Variants in NRXN1 observed in about 807,000 individuals in gnomAD.
The protein encoded by NRXN1 is neurexin 1.
In NRXN1, 39 loss-of-function variants were observed where a neutral mutation model predicts 150.9. That is an observed-to-expected ratio of 0.26 (90% confidence interval 0.20 to 0.34). The LOEUF (loss-of-function observed/expected upper bound fraction) is 0.34. NRXN1 is among the 10% of genes least tolerant of loss of function. The probability of loss-of-function intolerance (pLI) is 1.00; values close to 1 mark genes in which losing one functional copy is unlikely to be tolerated. For synonymous variants in NRXN1, 924 were observed against 757.0 expected (o/e 1.22, Z -3.62); for missense variants, 1,815 against 1,949.9 (o/e 0.93, Z 1.30).
rs1667097237 is a variant in NRXN1, at chr2:50,549,415, T to C, written c.1759+3172A>G. On this transcript the variant is annotated intron_variant, in intron 9 of 22. Transcript: ENST00000401669. ...AAAGGACAGAACTTGGCTTAGTGAATGAACTTTGGTTTTTATATTGTTTGT... is the reference window on the plus strand; with the variant it reads ...AAAGGACAGAACTTGGCTTAGTGAACGAACTTTGGTTTTTATATTGTTTGT... 4.6e-5 allele frequency among the ~76,000 whole-genome samples: 7 copies of C among 152,318 alleles called. 1 individual carries two copies. The highest frequency in any genetic ancestry group is 2.6e-4 in the Admixed American group (4 of 15,294).
chr2:50,486,083 C>G (rs987742476), intron 15 of NRXN1, among the ~76,000 whole-genome samples: 1 of 152,068 alleles, frequency 6.6e-6, no homozygotes, highest in Non-Finnish European at 1.5e-5. Flanking sequence ...TAAATCAGTA[C>G]GTGGTACAAA....
intron 5 of NRXN1, among the ~76,000 whole-genome samples, chr2:50,809,502 G>T (rs559600762): frequency 6.6e-6 from 1 of 152,118 alleles, no homozygotes; most frequent in Non-Finnish European, 1.5e-5. Flanking sequence ...AAATGCTTTT[G>T]TCTTTAATTT....
intron 5 of NRXN1, among the ~76,000 whole-genome samples, chr2:50,748,252 A>C (rs974735202): frequency 6.6e-6 from 1 of 152,148 alleles, no homozygotes; most frequent in African/African-American, 2.4e-5. Context: ...GAAAGACTGC[A>C]CCCAACCGTC....
At chr2:50,338,706 A>AG (rs1378786013) in intron 17 of NRXN1, among the ~76,000 whole-genome samples, 3 of 134,528 alleles carry the variant, frequency 2.2e-5, no homozygotes, top group Non-Finnish European at 3.2e-5. Flanking sequence ...TATTAGAAAG[A>AG]GAAAAAAAAA....
At chr2:51,012,896 A>G (rs567197261) in intron 2 of NRXN1, among the ~76,000 whole-genome samples, 2 of 152,120 alleles carry the variant, frequency 1.3e-5, no homozygotes, top group South Asian at 4.1e-4. Context: ...TTAACCCAAA[A>G]CTATTTTTCT....
intron 18 of NRXN1, among the ~76,000 whole-genome samples, chr2:50,134,273 GA>G (rs59985780): frequency 0.2 from 19,066 of 96,432 alleles, 1,545 homozygotes; most frequent in African/African-American, 0.29. Flanking sequence ...AAAGTAACCA[GA>G]AAAAAAAAAA....
chr2:50,968,298 T>C (rs1275530137), intron 2 of NRXN1, among the ~76,000 whole-genome samples: 2 of 152,142 alleles, frequency 1.3e-5, no homozygotes, highest in African/African-American at 4.8e-5. Context: ...AATATGCCTA[T>C]TGATGATACT....
At chr2:50,960,661 C>T (rs550003979) in intron 2 of NRXN1, among the ~76,000 whole-genome samples, 44 of 151,932 alleles carry the variant, frequency 2.9e-4, no homozygotes, top group African/African-American at 9.9e-4. Flanking sequence ...GCTTCTCAGG[C>T]GTGAACTTGC....
chr2:50,590,883 G>T (rs761025083), intron 8 of NRXN1, among the ~76,000 whole-genome samples: 37 of 152,108 alleles, frequency 2.4e-4, no homozygotes, highest in Admixed American at 7.9e-4. Context: ...AATGGACTAA[G>T]ATCTCAACAT....
In NRXN1 at chr2:50,864,878, C is replaced by T. The variant is rs577875933; in HGVS notation, c.832+56991G>A. On this transcript the variant is annotated intron_variant, in intron 5 of 22. Transcript: ENST00000401669. ...TATAACACAAATTGCTGTGCTACAT[C>T]TCCAGAGATTCAGCAAGTCCAGGGT... Among the ~76,000 whole-genome samples, 11 of 152,134 alleles carry T rather than the reference C, an allele frequency of 7.2e-5. No individual in the cohort carries two copies. The East Asian group carries it at 2.1e-3, about 30-fold the overall frequency.
intron 17 of NRXN1, among the ~76,000 whole-genome samples, chr2:50,453,589 C>G (rs1229868873): frequency 1.3e-5 from 2 of 152,150 alleles, no homozygotes; most frequent in Non-Finnish European, 2.9e-5. Flanking sequence ...ATCACGCAAA[C>G]TAAGTCTCTT....
At chr2:50,306,525 C>T (rs2074625280) in intron 17 of NRXN1, among the ~76,000 whole-genome samples, 1 of 152,204 alleles carries the variant, frequency 6.6e-6, no homozygotes, top group African/African-American at 2.4e-5. Context: ...CTGACTTGAG[C>T]TCTACTCAGG....
chr2:50,329,428 G>C (rs1322208917), intron 17 of NRXN1, among the ~76,000 whole-genome samples: 1 of 151,004 alleles, frequency 6.6e-6, no homozygotes, highest in African/African-American at 2.4e-5. Context: ...GTGCTGGATA[G>C]TACAGGAGGT....
intron 18 of NRXN1, among the ~76,000 whole-genome samples, chr2:50,204,411 G>T (rs2062416772): frequency 6.6e-6 from 1 of 151,370 alleles, no homozygotes; most frequent in Admixed American, 6.6e-5. Context: ...AGACCTAAAA[G>T]ATACAAAATG....
intron 17 of NRXN1, among the ~76,000 whole-genome samples, chr2:50,269,005 G>A (rs1024526615): frequency 6.6e-6 from 1 of 152,196 alleles, no homozygotes; most frequent in Admixed American, 6.5e-5. Flanking sequence ...CTGATTATCA[G>A]ATAAGAGTCG....
chr2:50,650,628 G>A (rs1685479850), intron 5 of NRXN1, among the ~76,000 whole-genome samples: 1 of 151,960 alleles, frequency 6.6e-6, no homozygotes, highest in Non-Finnish European at 1.5e-5. Context: ...AGAAAAGTAG[G>A]TGCTTTTCCA....
intron 5 of NRXN1, among the ~76,000 whole-genome samples, chr2:50,874,337 G>T (rs1298230412): frequency 6.6e-6 from 1 of 151,730 alleles, no homozygotes; most frequent in African/African-American, 2.4e-5. Context: ...TCTTTGTCAG[G>T]TACTTGATAC....
chr2:50,367,676 G>A (rs746953883), intron 17 of NRXN1, among the ~76,000 whole-genome samples: 6 of 151,916 alleles, frequency 3.9e-5, no homozygotes, highest in Non-Finnish European at 8.8e-5. Context: ...ATGCAGAAAT[G>A]GCCCTGCAAA....
At chr2:50,721,451 G>T (rs1007388310) in intron 5 of NRXN1, among the ~76,000 whole-genome samples, 3 of 152,164 alleles carry the variant, frequency 2.0e-5, no homozygotes, top group African/African-American at 7.2e-5. Context: ...CCTCTGAGGT[G>T]CAGTAACCAC....
Sources: gnomAD v4.1 joint callset for allele counts (sites outside exome capture counted in the v4.1 genomes callset) on GRCh38, gnomAD v4.1.1 for gene constraint, MANE v1.5 for transcripts, NCBI Gene and HGNC (gene_info 2026-07-23, HGNC 2026-07-21) for gene names.